The following CAPN11 variants were observed in gnomAD, a reference collection of about 807,000 sequenced individuals.
CAPN11 encodes the protein calpain-11.
A neutral mutation model predicts 105.3 loss-of-function variants in CAPN11; 108 were observed. The observed-to-expected ratio is 1.03, with a 90% confidence interval of 0.88 to 1.20. The LOEUF (loss-of-function observed/expected upper bound fraction) is 1.20, where lower values mean the gene tolerates loss of function less well. CAPN11 is among the 50% of genes most tolerant of loss of function. The pLI is 0.00. For missense variants in CAPN11, 883 were observed against 924.8 expected (o/e 0.95, Z 0.59); for synonymous variants, 329 against 344.5 (o/e 0.96, Z 0.50).
At chr6:44,162,459 A>C (rs1769055079) in intron 1 of CAPN11, among the ~76,000 whole-genome samples, 1 of 151,804 alleles carries the variant, frequency 6.6e-6, no homozygotes, top group Admixed American at 6.6e-5. Flanking sequence ...ACCATTTCTA[A>C]GATAATCCCA....
At chr6:44,178,303 T>C (rs1221278187) in intron 12 of CAPN11, among the ~76,000 whole-genome samples, 1 of 152,084 alleles carries the variant, frequency 6.6e-6, no homozygotes, top group Non-Finnish European at 1.5e-5. Flanking sequence ...GCTCTGAGAC[T>C]TCTCCACACG....
At position 44,180,518 on chromosome 6, in the gene CAPN11, G is replaced by T; in HGVS notation, c.1680+19G>T. The T allele has an allele frequency of 1.9e-6, 3 of 1,613,886 alleles. No individual in the cohort carries two copies. The highest frequency in any genetic ancestry group is 2.5e-6 in the Non-Finnish European group (3 of 1,179,856). ...CCAAGAGGTGAGGGGAGACTGTAGGGCTGGGGGTTGGAAGGAAGCTCCTGG... is the reference window on the plus strand; with the variant it reads ...CCAAGAGGTGAGGGGAGACTGTAGGTCTGGGGGTTGGAAGGAAGCTCCTGG... On this transcript the variant is annotated intron_variant, in intron 15 of 22. Coordinates refer to ENST00000398776, the MANE Select transcript of CAPN11 (RefSeq NM_007058.4).
intron 4 of CAPN11, among the ~76,000 whole-genome samples, chr6:44,170,423 T>C (rs1001770276): frequency 6.6e-6 from 1 of 151,990 alleles, no homozygotes; most frequent in Non-Finnish European, 1.5e-5. Flanking sequence ...CCTAGGAGGG[T>C]GCACTTACGT....
chr6:44,159,304 G>A (rs1001455945), intron 1 of CAPN11, among the ~76,000 whole-genome samples: 8 of 152,114 alleles, frequency 5.3e-5, no homozygotes, highest in Non-Finnish European at 1.2e-4. Flanking sequence ...AGGTCCCTCA[G>A]CCCAGGAAGA....
At chr6:44,169,826 C>A (rs1770658261) in intron 3 of CAPN11, 80 bp from the exon 4 acceptor site, 1 of 1,130,846 alleles carries the variant, frequency 8.8e-7, no homozygotes, top group Non-Finnish European at 1.3e-6. Flanking sequence ...TCAAGGTGGG[C>A]ATCATTCCCC....
intron 1 of CAPN11, 63 bp from the exon 2 acceptor site, chr6:44,166,695 C>A: frequency 8.0e-7 from 1 of 1,251,872 alleles, no homozygotes; most frequent in Non-Finnish European, 1.1e-6. Context: ...CCAGCCCCAG[C>A]TGGGCTCTGT....
chr6:44,181,415 ACC>A, intron 19 of CAPN11, 95 bp downstream of exon 19: 1 of 571,428 alleles, frequency 1.7e-6, no homozygotes, highest in African/African-American at 5.0e-5. Context: ...CCAAGCCCTA[ACC>A]ACACACACAC....
In CAPN11 at chr6:44,183,687, G is replaced by A. The variant is rs775736284; in HGVS notation, c.2135-18G>A. ...ACTTAGCATTCAGCCCCTCTCCCCC[G>A]CTTCCTCTGTAACGCAGCATTCTTT... On this transcript the variant is annotated intron_variant, in intron 21 of 22. Coordinates refer to ENST00000398776, the MANE Select transcript of CAPN11 (RefSeq NM_007058.4). 26 of 1,612,844 alleles carry A rather than the reference G, an allele frequency of 1.6e-5. 1 individual carries two copies. Among genetic ancestry groups the A allele is most frequent in the South Asian group, 4.4e-5 (4 of 90,844 alleles).
At position 44,180,018 on chromosome 6, in the gene CAPN11, TC is replaced by T; in HGVS notation, c.1496del (p.Ser499Ter). 6.2e-7 allele frequency: 1 copy of T among 1,610,580 alleles called. No homozygotes were observed. The highest frequency in any genetic ancestry group is 8.5e-7 in the Non-Finnish European group (1 of 1,178,450). The stretch of plus-strand genomic sequence containing the variant: ...CACGAAGTATCAGGACCACGGCTTC[TC>T]AGAGATCTTCACCAACTCACGGGAG... ...FFTKYQDHGF[S>X]EIFTNSREVS... On this transcript the variant is annotated frameshift_variant, in exon 14 of 23. Transcript: ENST00000398776. LOFTEE classifies it high-confidence loss of function.
intron 19 of CAPN11, among the ~76,000 whole-genome samples, 176 bp downstream of exon 19, chr6:44,181,496 AC>A: frequency 1.2e-5 from 1 of 86,918 alleles, no homozygotes; most frequent in African/African-American, 4.7e-5. Context: ...CACACCACAC[AC>A]ACACACACAC....
chr6:44,172,821 C>G (rs202216400), intron 5 of CAPN11, 119 bp from the exon 6 acceptor site: 1 of 1,196,838 alleles, frequency 8.4e-7, no homozygotes, highest in African/African-American at 1.5e-5. Flanking sequence ...GCCTTTCCCT[C>G]TCTATTCAGT....
chr6:44,181,463 ACACAC>A (rs1773220592), intron 19 of CAPN11, 143 bp downstream of exon 19: 1 of 529,728 alleles, frequency 1.9e-6, no homozygotes, highest in African/African-American at 2.3e-5. Context: ...ACACACACAC[ACACAC>A]TCACATACAG....
chr6:44,181,351 G>T, intron 19 of CAPN11, 31 bp downstream of exon 19: 3 of 1,602,902 alleles, frequency 1.9e-6, no homozygotes, highest in Non-Finnish European at 2.6e-6. Context: ...AGCCTCCAGG[G>T]GTGAGGAAAA....
intron 2 of CAPN11, among the ~76,000 whole-genome samples, chr6:44,167,452 C>A (rs1273316326): frequency 7.9e-6 from 1 of 126,414 alleles, no homozygotes; most frequent in African/African-American, 3.2e-5. Context: ...GAGCCGAGAT[C>A]ATGCCACTGC....
chr6:44,173,386 A>G lies in CAPN11; in HGVS notation c.831A>G (p.Glu277=), dbSNP rs959495883. Residue 277 remains glutamate, a splice_region_variant and synonymous_variant, in exon 7 of 23, where the codon GAA becomes GAG. Transcript: ENST00000398776. ...ERSSLMGCSI[E]VTSDSELESM... The stretch of plus-strand genomic sequence containing the variant: ...CCTCCCTCATGGGTTGCTCCATTGA[A>G]GTAAGCAAAGCATGGTCCCACCTCA... The G allele has an allele frequency of 2.5e-6, 4 of 1,599,816 alleles. No individual in the cohort carries two copies. In the African/African-American group the frequency reaches 4.0e-5, roughly 16 times the overall value.
intron 4 of CAPN11, among the ~76,000 whole-genome samples, chr6:44,170,449 GT>G (rs1446567415): frequency 6.6e-6 from 1 of 152,122 alleles, no homozygotes; most frequent in African/African-American, 2.4e-5. Flanking sequence ...GAGCTCTCAG[GT>G]CTTTGCTGGC....
At chr6:44,176,016 TCCTCCATGC>T (rs1424938084) in intron 7 of CAPN11, 43 bp from the exon 8 acceptor site, 62 of 1,282,366 alleles carry the variant, frequency 4.8e-5, no homozygotes, top group South Asian at 9.8e-5. Flanking sequence ...CCAGTCCAGG[TCCTCCATGC>T]CCTCCATGCC....
chr6:44,171,345 C>G (rs1035517482), intron 4 of CAPN11, among the ~76,000 whole-genome samples: 6 of 152,164 alleles, frequency 3.9e-5, no homozygotes, highest in African/African-American at 1.2e-4. Context: ...TGCCTCATAC[C>G]CACTTCAATG....
rs1561853681 is a variant in CAPN11 at position 44,181,431 on chromosome 6, CA to C, written c.1938+112del. On this transcript the variant is annotated intron_variant, in intron 19 of 22. Coordinates refer to ENST00000398776, the MANE Select transcript of CAPN11 (RefSeq NM_007058.4). The stretch of plus-strand genomic sequence containing the variant: ...CAAGCCCTAACCACACACACACACA[CA>C]CCCAACCACACCACACTCACACACA... 4.8e-5 allele frequency: 34 copies of C among 702,690 alleles called. 8 individuals are homozygous for C. The highest frequency in any genetic ancestry group is 6.7e-5 in the South Asian group (4 of 60,070). 43.5% of individuals were successfully genotyped at this position (702,690 alleles called of 1,614,324 possible).
Sources: gnomAD v4.1 joint callset for allele counts (sites outside exome capture counted in the v4.1 genomes callset) on GRCh38, gnomAD v4.1.1 for gene constraint, MANE v1.5 for transcripts, NCBI Gene and HGNC (gene_info 2026-07-23, HGNC 2026-07-21) for gene names.